Variants in SLC9C2 observed in about 807,000 individuals in gnomAD.
SLC9C2 encodes solute carrier family 9 member C2 (putative).
SLC9C2 carries 75 observed loss-of-function variants against 140.2 expected under a neutral mutation model. The observed-to-expected ratio is 0.53, with a 90% CI of 0.44 to 0.65. SLC9C2 has a LOEUF of 0.65. Ranked by LOEUF, SLC9C2 falls within the 30% of genes least tolerant of loss-of-function variation. The probability of loss-of-function intolerance (pLI) is 0.00; values close to 1 mark genes in which losing one functional copy is unlikely to be tolerated. For missense variants in SLC9C2, 1,074 were observed against 1,331.8 expected, an observed-to-expected ratio of 0.81 and a Z score of 3.01; for synonymous variants, 375 against 420.9, an observed-to-expected ratio of 0.89 and a Z score of 1.34.
At position 173,550,716 on chromosome 1, in the gene SLC9C2, C is replaced by T. The variant is rs1663220045; in HGVS notation, c.1298-2164G>A. 1.3e-5 allele frequency among the ~76,000 whole-genome samples: 2 copies of T among 151,552 alleles called. 1 individual carries two copies. The highest frequency in any genetic ancestry group is 4.2e-4 in the South Asian group (2 of 4,790). On this transcript the variant is annotated intron_variant, in intron 11 of 27. Transcript: ENST00000367714. ...CCTTCCAAAGTGTTGAGATTACAGG[C>T]GTGAGCCACCACGCCCAGCCCTGTA... is the stretch of plus-strand genomic sequence containing the variant.
At chr1:173,550,872 A>AAGAGAGAGAGAGAGAGAGAGAGAG (rs143296396) in intron 11 of SLC9C2, among the ~76,000 whole-genome samples, 23 of 86,506 alleles carry the variant, frequency 2.7e-4, no homozygotes, top group African/African-American at 1.2e-3. Flanking sequence ...GAGCCGTTGA[A>AAGAGAGAGAGAGAGAGAGAGAGAG]AGAGAGAGAG....
At chr1:173,572,435 A>G (rs896624335) in intron 9 of SLC9C2, among the ~76,000 whole-genome samples, 1 of 152,106 alleles carries the variant, frequency 6.6e-6, no homozygotes, top group African/African-American at 2.4e-5. Context: ...TTTCCATGGG[A>G]ACATACTATA....
chr1:173,516,672 T>G (rs1455367983), intron 23 of SLC9C2, among the ~76,000 whole-genome samples: 1 of 152,238 alleles, frequency 6.6e-6, no homozygotes, highest in East Asian at 1.9e-4. Flanking sequence ...TACATAGTAT[T>G]CTATGGTATA....
At chr1:173,511,169 G>A (rs1227748620) in intron 23 of SLC9C2, among the ~76,000 whole-genome samples, 1 of 151,194 alleles carries the variant, frequency 6.6e-6, no homozygotes, top group Non-Finnish European at 1.5e-5. Context: ...GAGTAGCTGG[G>A]ACTATAAGTG....
At chr1:173,600,957 A>G (rs1203278759) in intron 2 of SLC9C2, among the ~76,000 whole-genome samples, 1 of 152,142 alleles carries the variant, frequency 6.6e-6, no homozygotes. Context: ...CTTTTTCCTA[A>G]TCCCTAGTGT....
rs768083687 is a variant in SLC9C2 at position 173,548,398 on chromosome 1, T to C, written c.1452A>G (p.Glu484=). The change falls in exon 12 of 28, where the codon GAA becomes GAG. Residue 484 remains glutamate, a synonymous_variant. Coordinates refer to ENST00000367714, the MANE Select transcript of SLC9C2 (RefSeq NM_178527.4). ...CCAGGTATCAACTCACAGGAATGTA[T>C]TCGATCCTCGTTTTATCTTCTACTA... ...WTLVEDKTRI[E]YIPFSHVSHN... 14 of 1,612,400 alleles carry C rather than the reference T, an allele frequency of 8.7e-6. No homozygotes were observed. The highest frequency in any genetic ancestry group is 9.3e-6 in the Non-Finnish European group (11 of 1,179,338).
At chr1:173,518,266 A>AG (rs1189496754) in intron 22 of SLC9C2, among the ~76,000 whole-genome samples, 1 of 29,326 alleles carries the variant, frequency 3.4e-5, no homozygotes, top group African/African-American at 1.8e-4. Context: ...CATCTCAAAG[A>AG]AAAAAAAAAA....
At chr1:173,563,561 T>G (rs1664258085) in intron 9 of SLC9C2, among the ~76,000 whole-genome samples, 1 of 152,186 alleles carries the variant, frequency 6.6e-6, no homozygotes, top group Admixed American at 6.5e-5. Flanking sequence ...AAAAATGTTT[T>G]AATTTTTAAT....
chr1:173,522,583 G>T (rs1424957461), intron 21 of SLC9C2, among the ~76,000 whole-genome samples: 3 of 152,156 alleles, frequency 2.0e-5, no homozygotes, highest in African/African-American at 7.2e-5. Flanking sequence ...TTTAGATAGA[G>T]AAAAATGTTT....
Position 173,592,537 on chromosome 1 carries a change from C to A in SLC9C2, c.358-4707G>T, listed in dbSNP as rs550420052. Among the ~76,000 whole-genome samples, 4 of 152,230 alleles carry A rather than the reference C, an allele frequency of 2.6e-5. No individual in the cohort carries two copies. In the South Asian group the frequency reaches 8.3e-4, roughly 32 times the overall value. On this transcript the variant is annotated intron_variant, in intron 4 of 27. Coordinates refer to ENST00000367714, the MANE Select transcript of SLC9C2 (RefSeq NM_178527.4). ...TTGTGTCTTCTCTGATTACTTTTAG[C>A]AGTGTTTTGTAGTTCTCATTGTAGA...
chr1:173,579,605 G>T (rs965725661), intron 7 of SLC9C2, among the ~76,000 whole-genome samples: 1 of 152,138 alleles, frequency 6.6e-6, no homozygotes, highest in South Asian at 2.1e-4. Flanking sequence ...ACAGCTATGC[G>T]ACTTATACTC....
chr1:173,516,511 G>GT (rs1365643643), intron 23 of SLC9C2, among the ~76,000 whole-genome samples: 1 of 152,002 alleles, frequency 6.6e-6, no homozygotes, highest in East Asian at 1.9e-4. Context: ...TCCCCTCTCT[G>GT]TGTCTGTGTG....
intron 13 of SLC9C2, among the ~76,000 whole-genome samples, chr1:173,541,691 C>G (rs1406121498): frequency 1.3e-5 from 2 of 152,186 alleles, no homozygotes; most frequent in Non-Finnish European, 2.9e-5. Flanking sequence ...AATTAGAACT[C>G]AGGATTAAGA....
intron 24 of SLC9C2, 88 bp downstream of exon 24, chr1:173,509,480 A>C: frequency 7.9e-7 from 1 of 1,268,746 alleles, no homozygotes; most frequent in Non-Finnish European, 1.1e-6. Context: ...TTTCCTTTCT[A>C]TTTTTGTCTC....
chr1:173,567,946 T>C (rs1261887250), intron 9 of SLC9C2, among the ~76,000 whole-genome samples: 2 of 152,108 alleles, frequency 1.3e-5, no homozygotes, highest in East Asian at 3.8e-4. Context: ...AGAAGACTGA[T>C]AAAAAACGAT....
intron 23 of SLC9C2, among the ~76,000 whole-genome samples, chr1:173,510,833 T>C (rs1169837827): frequency 6.6e-6 from 1 of 152,118 alleles, no homozygotes; most frequent in Non-Finnish European, 1.5e-5. Flanking sequence ...TGATTTATAT[T>C]CCTTTGGGTA....
intron 9 of SLC9C2, among the ~76,000 whole-genome samples, chr1:173,572,875 C>T (rs1664923389): frequency 6.6e-6 from 1 of 152,196 alleles, no homozygotes; most frequent in Non-Finnish European, 1.5e-5. Flanking sequence ...ACCTGAAGAG[C>T]ATGTTAAAAC....
intron 2 of SLC9C2, among the ~76,000 whole-genome samples, chr1:173,601,233 C>T (rs1276877333): frequency 5.3e-5 from 8 of 152,156 alleles, no homozygotes; most frequent in Non-Finnish European, 8.8e-5. Context: ...TGTGTTTGCT[C>T]GCATTGTCCT....
At chr1:173,554,635 A>G (rs1663546696) in intron 11 of SLC9C2, 98 bp downstream of exon 11, 1 of 741,766 alleles carries the variant, frequency 1.3e-6, no homozygotes, top group African/African-American at 1.8e-5. Flanking sequence ...TTCTAAACCA[A>G]TTCCTTGAGC....
Sources: allele counts gnomAD v4.1 joint callset (sites outside exome capture counted in the v4.1 genomes callset), GRCh38; gene constraint gnomAD v4.1.1; transcripts MANE v1.5; gene names NCBI Gene and HGNC (gene_info 2026-07-23, HGNC 2026-07-21).